SRRM4: variants seen among roughly 807,000 people sequenced by gnomAD.
The protein encoded by SRRM4 is serine/arginine repetitive matrix protein 4.
SRRM4 carries 33 observed loss-of-function variants against 68.9 expected under a neutral mutation model. The ratio of observed to expected loss-of-function variants is 0.48; its 90% CI spans 0.36 to 0.64. The LOEUF (loss-of-function observed/expected upper bound fraction) is 0.64. SRRM4 is among the 30% of genes least tolerant of loss of function. The probability of loss-of-function intolerance (pLI) is 0.00; values close to 1 mark genes in which losing one functional copy is unlikely to be tolerated. For synonymous variants in SRRM4, 318 were observed against 318.8 expected (o/e 1.00, Z 0.03); for missense variants, 817 against 827.1 (o/e 0.99, Z 0.15).
chr12:118,985,346 T>C (rs1953275152), intron 1 of SRRM4, among the ~76,000 whole-genome samples: 1 of 152,206 alleles, frequency 6.6e-6, no homozygotes, highest in Non-Finnish European at 1.5e-5. Flanking sequence ...CCATGGAGCA[T>C]TCTGTTGGTT....
chr12:119,078,830 TGAGGCAG>T (rs1953931497), intron 1 of SRRM4, among the ~76,000 whole-genome samples: 1 of 152,132 alleles, frequency 6.6e-6, no homozygotes, highest in Non-Finnish European at 1.5e-5. Flanking sequence ...CTCTGGAGGC[TGAGGCAG>T]GAGGATCACT....
intron 1 of SRRM4, among the ~76,000 whole-genome samples, chr12:119,034,249 A>G (rs1370773298): frequency 6.6e-6 from 1 of 152,162 alleles, no homozygotes; most frequent in East Asian, 1.9e-4. Flanking sequence ...TATTCCCCAC[A>G]CCAATCATTG....
At chr12:119,125,345 C>A (rs1469138727) in intron 6 of SRRM4, 36 bp from the exon 7 acceptor site, 2 of 1,569,084 alleles carry the variant, frequency 1.3e-6, no homozygotes, top group Non-Finnish European at 1.8e-6. Context: ...CTCTCTCTCT[C>A]CTCTCCTCTG....
At chr12:119,019,487 C>T (rs558813713) in intron 1 of SRRM4, among the ~76,000 whole-genome samples, 1 of 152,208 alleles carries the variant, frequency 6.6e-6, no homozygotes, top group African/African-American at 2.4e-5. Context: ...CCACTCACTC[C>T]AGCTGTGTTT....
intron 1 of SRRM4, among the ~76,000 whole-genome samples, chr12:119,054,022 C>G (rs896222693): frequency 6.6e-6 from 1 of 152,142 alleles, no homozygotes; most frequent in African/African-American, 2.4e-5. Context: ...CGCACCTCCC[C>G]GCTACCAACC....
At chr12:119,083,633 TG>T (rs1301968782) in intron 1 of SRRM4, among the ~76,000 whole-genome samples, 6 of 152,126 alleles carry the variant, frequency 3.9e-5, no homozygotes, top group Non-Finnish European at 7.3e-5. Context: ...ATAAATTACT[TG>T]CCCCAGAATT....
intron 1 of SRRM4, among the ~76,000 whole-genome samples, chr12:119,066,781 C>G (rs891825686): frequency 6.6e-6 from 1 of 152,208 alleles, no homozygotes; most frequent in African/African-American, 2.4e-5. Flanking sequence ...GTTCCTCCCT[C>G]TTTTGTAAAT....
At chr12:119,018,514 A>G (rs1953495363) in intron 1 of SRRM4, among the ~76,000 whole-genome samples, 1 of 152,132 alleles carries the variant, frequency 6.6e-6, no homozygotes, top group Non-Finnish European at 1.5e-5. Context: ...AAACTCAAGA[A>G]TTTTTTTGTT....
intron 1 of SRRM4, among the ~76,000 whole-genome samples, chr12:119,100,221 T>TG (rs2136041156): frequency 1.3e-5 from 2 of 151,490 alleles, no homozygotes; most frequent in South Asian, 4.2e-4. Context: ...CTGAAAATGG[T>TG]GGCTCATACC....
At chr12:118,997,993 G>A (rs929329098) in intron 1 of SRRM4, among the ~76,000 whole-genome samples, 3 of 152,166 alleles carry the variant, frequency 2.0e-5, no homozygotes, top group South Asian at 2.1e-4. Flanking sequence ...GAAAAAATAC[G>A]TATCAAAATT....
chr12:119,149,910 G>A (rs541090918), intron 9 of SRRM4, among the ~76,000 whole-genome samples: 1 of 152,300 alleles, frequency 6.6e-6, no homozygotes, highest in East Asian at 1.9e-4. Context: ...ACCTAACAGA[G>A]GTCAGCCTGG....
rs1320096992 is a variant in SRRM4, at chr12:119,151,221, G to GT, written c.1280+2dup. On this transcript the variant is annotated splice_donor_variant, in intron 10 of 12. Transcript: ENST00000267260. LOFTEE classifies it high-confidence loss of function. ...GCCGATCCACCTCTTCTGAAAAAAGGTGAGTGTGGTTTTGACCTTTGCTCT... is the reference window on the plus strand; with the variant it reads ...GCCGATCCACCTCTTCTGAAAAAAGGTTGAGTGTGGTTTTGACCTTTGCTCT... The GT allele has an allele frequency of 2.5e-6, 4 of 1,613,712 alleles. No homozygotes were observed. The highest frequency in any genetic ancestry group is 3.4e-6 in the Non-Finnish European group (4 of 1,179,606).
rs759308885 is a variant in SRRM4 at position 119,151,038 on chromosome 12, G to A, written c.1098G>A (p.Leu366=). 6.2e-7 allele frequency: 1 copy of A among 1,613,958 alleles called. No individual in the cohort carries two copies. Among genetic ancestry groups the A allele is most frequent in the Admixed American group, 1.7e-5 (1 of 60,020 alleles). The change falls in exon 10 of 13, where the codon CTG becomes CTA. Residue 366 remains leucine (L), a synonymous_variant. Transcript: ENST00000267260. ...RESRGFQSPC[L]ECAEVKKSSL... is the part of the protein sequence containing the mutation. ...GCAGGGGATTTCAGTCACCGTGTCT[G>A]GAATGTGCCGAAGTGAAGAAGTCCA... is the stretch of plus-strand genomic sequence containing the variant.
At position 119,154,187 on chromosome 12, in the gene SRRM4, C is replaced by G. The variant is rs1249669715; in HGVS notation, c.1392-56C>G. The G allele has an allele frequency of 2.6e-5, 40 of 1,513,270 alleles. No individual in the cohort carries two copies. Among genetic ancestry groups the G allele is most frequent in the Non-Finnish European group, 3.6e-5 (40 of 1,111,826 alleles). 93.7% of individuals were successfully genotyped at this position (1,513,270 alleles called of 1,614,324 possible). ...AGGGAGTGTCCCTCTCCCACGCGCTCACGCAGAAAATCCAGCCCAGCCCCA... is the reference window on the plus strand; with the variant it reads ...AGGGAGTGTCCCTCTCCCACGCGCTGACGCAGAAAATCCAGCCCAGCCCCA... On this transcript the variant is annotated intron_variant, in intron 11 of 12. Coordinates refer to ENST00000267260, the MANE Select transcript of SRRM4 (RefSeq NM_194286.4). This position sits in a 1 kb window ranked among gnomAD's most constrained non-coding sequence, Gnocchi z 4.7.
chr12:119,088,666 G>T (rs529376858), intron 1 of SRRM4, among the ~76,000 whole-genome samples: 43 of 151,652 alleles, frequency 2.8e-4, no homozygotes, highest in African/African-American at 9.7e-4. Flanking sequence ...GATTCCTTTT[G>T]GGGGGCGTGG....
chr12:119,142,181 C>T (rs1438267937), intron 8 of SRRM4, among the ~76,000 whole-genome samples: 1 of 152,196 alleles, frequency 6.6e-6, no homozygotes, highest in African/African-American at 2.4e-5. Context: ...AAAACACTGT[C>T]ATCCATGTCA....
Position 119,154,202 on chromosome 12 carries a change from GC to G in SRRM4, c.1392-38del. Reference sequence around the variant, plus strand: ...CCCACGCGCTCACGCAGAAAATCCAGCCCAGCCCCAGCTCCCCAGTAACCCC... The same window carrying G: ...CCCACGCGCTCACGCAGAAAATCCAGCCAGCCCCAGCTCCCCAGTAACCCC... On this transcript the variant is annotated intron_variant, in intron 11 of 12. Coordinates refer to ENST00000267260, the MANE Select transcript of SRRM4 (RefSeq NM_194286.4). The surrounding 1 kb of genome is among the most constrained non-coding windows in gnomAD (Gnocchi z 4.7). 2 of 1,556,674 alleles carry G rather than the reference GC, an allele frequency of 1.3e-6. No individual in the cohort carries two copies. The highest frequency in any genetic ancestry group is 8.7e-7 in the Non-Finnish European group (1 of 1,145,734).
In SRRM4 at chr12:119,077,583, C is replaced by T. The variant is rs754869137; in HGVS notation, c.132-24653C>T. Among the ~76,000 whole-genome samples, 105 of 152,086 alleles carry T rather than the reference C, an allele frequency of 6.9e-4. 2 individuals carry two copies. The highest frequency in any genetic ancestry group is 3.5e-3 in the Admixed American group (53 of 15,270). On this transcript the variant is annotated intron_variant, in intron 1 of 12. Transcript: ENST00000267260. Reference sequence around the variant, plus strand: ...ATGACCCCAAAATGTCAACTATTATCATTATTATTAATGATAACTAGCTGG... The same window carrying T: ...ATGACCCCAAAATGTCAACTATTATTATTATTATTAATGATAACTAGCTGG...
rs927749965 is a variant in SRRM4, at chr12:119,157,199, C to T, written c.*401C>T. 1.1e-5 allele frequency: 2 copies of T among 184,792 alleles called. No homozygotes were observed. Among genetic ancestry groups the T allele is most frequent in the Non-Finnish European group, 1.1e-5 (1 of 89,230 alleles). 11.4% of individuals were successfully genotyped at this position (184,792 alleles called of 1,614,324 possible). On this transcript the variant is annotated 3_prime_UTR_variant, in exon 13 of 13. Coordinates refer to ENST00000267260, the MANE Select transcript of SRRM4 (RefSeq NM_194286.4). This position sits in a 1 kb window ranked among gnomAD's most constrained non-coding sequence, Gnocchi z 4.1. ...GCCCGTGGTAATTCTCCCCACCTCC[C>T]CGGATGCCCCACTAGTCCAACTTCA...
Sources: gnomAD v4.1 joint callset for allele counts (sites outside exome capture counted in the v4.1 genomes callset) on GRCh38, gnomAD v4.1.1 for gene constraint, Gnocchi (gnomAD v3.1) non-coding constraint, MANE v1.5 for transcripts, NCBI Gene and HGNC (gene_info 2026-07-23, HGNC 2026-07-21) for gene names.